BIRC2: variants seen among roughly 807,000 people sequenced by gnomAD.
BIRC2 encodes baculoviral IAP repeat-containing protein 2.
BIRC2 carries 18 observed loss-of-function variants against 60.9 expected under a neutral mutation model. That is an observed-to-expected ratio of 0.30 (90% CI 0.20 to 0.44). The LOEUF (loss-of-function observed/expected upper bound fraction) is 0.44. Ranked by LOEUF, BIRC2 falls within the 20% of genes least tolerant of loss-of-function variation. The probability of loss-of-function intolerance (pLI) is 1.00; values close to 1 mark genes in which losing one functional copy is unlikely to be tolerated. For missense variants in BIRC2, 701 were observed against 728.5 expected (o/e 0.96, Z 0.43); for synonymous variants, 282 against 247.7 (o/e 1.14, Z -1.30).
chr11:102,372,370 G>C (rs9667004), intron 6 of BIRC2, among the ~76,000 whole-genome samples: 26,102 of 151,298 alleles, frequency 0.17, 3,325 homozygotes, highest in African/African-American at 0.35. Flanking sequence ...TATGTTGTGT[G>C]TTTGTTCTCA....
At chr11:102,372,653 G>T (rs200102021) in intron 6 of BIRC2, among the ~76,000 whole-genome samples, 1 of 138,668 alleles carries the variant, frequency 7.2e-6, no homozygotes, top group African/African-American at 2.8e-5. Flanking sequence ...GTTGATTTGG[G>T]GTGGAGAGTT....
intron 3 of BIRC2, among the ~76,000 whole-genome samples, chr11:102,358,603 A>G (rs1348719361): frequency 6.6e-6 from 1 of 152,170 alleles, no homozygotes; most frequent in African/African-American, 2.4e-5. Context: ...CTATCTATTA[A>G]TGTCTTCAGA....
chr11:102,375,748 C>G (rs1421327026), intron 6 of BIRC2, among the ~76,000 whole-genome samples: 1 of 150,870 alleles, frequency 6.6e-6, no homozygotes, highest in Non-Finnish European at 1.5e-5. Flanking sequence ...CCCCTGCACT[C>G]CAGCCTGGGT....
chr11:102,366,887 G>C (rs956335353), intron 5 of BIRC2, among the ~76,000 whole-genome samples: 2 of 152,142 alleles, frequency 1.3e-5, no homozygotes, highest in Non-Finnish European at 2.9e-5. Context: ...GGAAGCCTCT[G>C]CTTATCTGGG....
chr11:102,372,119 C>A (rs1951639395), intron 6 of BIRC2, among the ~76,000 whole-genome samples: 2 of 152,204 alleles, frequency 1.3e-5, no homozygotes, highest in Admixed American at 1.3e-4. Flanking sequence ...AAAAAACCAG[C>A]TCCCGGATTC....
intron 3 of BIRC2, among the ~76,000 whole-genome samples, chr11:102,362,367 A>G (rs532277523): frequency 5.7e-4 from 87 of 152,298 alleles, no homozygotes; most frequent in African/African-American, 1.9e-3. Context: ...GAGAAGCCCT[A>G]TCAGTTTAAA....
At chr11:102,366,142 A>G (rs1439143730) in intron 5 of BIRC2, among the ~76,000 whole-genome samples, 1 of 152,118 alleles carries the variant, frequency 6.6e-6, no homozygotes, top group African/African-American at 2.4e-5. Flanking sequence ...AATATGACCA[A>G]ACCGGAAATT....
At chr11:102,368,586 T>G in intron 6 of BIRC2, 38 bp downstream of exon 6, 1 of 1,602,646 alleles carries the variant, frequency 6.2e-7, no homozygotes, top group Non-Finnish European at 8.5e-7. Context: ...TGTTTCTCAG[T>G]GGAGCTCTTA....
intron 3 of BIRC2, among the ~76,000 whole-genome samples, chr11:102,361,883 A>G (rs1379535402): frequency 3.0e-5 from 4 of 133,136 alleles, no homozygotes; most frequent in Admixed American, 8.1e-5. Flanking sequence ...TGATTGGGCT[A>G]GTGAGTTCTT....
chr11:102,377,199 A>G (rs552394379), intron 6 of BIRC2, among the ~76,000 whole-genome samples: 17 of 152,320 alleles, frequency 1.1e-4, no homozygotes, highest in Middle Eastern at 3.4e-3. Context: ...TGGAAATACA[A>G]GAGTATTATT....
chr11:102,353,527 A>C (rs887678848), intron 3 of BIRC2, among the ~76,000 whole-genome samples: 1 of 152,034 alleles, frequency 6.6e-6, no homozygotes, highest in Non-Finnish European at 1.5e-5. Context: ...TATGTTGGCC[A>C]GTCTAGTCTC....
intron 6 of BIRC2, among the ~76,000 whole-genome samples, chr11:102,371,655 T>C (rs1490408307): frequency 5.7e-4 from 85 of 148,454 alleles, no homozygotes; most frequent in African/African-American, 2.1e-3. Context: ...CTGCCCGGCT[T>C]TGGTATCAGA....
Position 102,368,609 on chromosome 11 carries a change from A to G in BIRC2, c.1366+61A>G. 6 of 1,571,648 alleles carry G rather than the reference A, an allele frequency of 3.8e-6. No individual in the cohort carries two copies. In the South Asian group the frequency reaches 4.8e-5, roughly 13 times the overall value. On this transcript the variant is annotated intron_variant, in intron 6 of 8. Transcript: ENST00000227758. ...AGTGGAGCTCTTAGGACTGTCTCAC[A>G]TGTTACAGGACACCATGCTTGTTTC... is the stretch of plus-strand genomic sequence containing the variant.
chr11:102,353,323 T>C (rs1351149646), intron 3 of BIRC2, among the ~76,000 whole-genome samples: 1 of 152,206 alleles, frequency 6.6e-6, no homozygotes, highest in Admixed American at 6.5e-5. Flanking sequence ...ACATTTCTTT[T>C]TTCCTTTTTT....
chr11:102,374,858 A>G (rs1422201435), intron 6 of BIRC2, among the ~76,000 whole-genome samples: 1 of 152,196 alleles, frequency 6.6e-6, no homozygotes, highest in Non-Finnish European at 1.5e-5. Context: ...GGTGTGGGAT[A>G]TAATCTCTTG....
At chr11:102,369,315 T>A (rs1413059473) in intron 6 of BIRC2, among the ~76,000 whole-genome samples, 2 of 69,570 alleles carry the variant, frequency 2.9e-5, no homozygotes, top group African/African-American at 5.9e-5. Context: ...CCCTCCCCCC[T>A]CCCCCCACCC....
Position 102,348,744 on chromosome 11 carries a change from T to C in BIRC2, c.-1111T>C. On this transcript the variant is annotated 5_prime_UTR_variant, in exon 2 of 9. Transcript: ENST00000227758. ...TGTATGAATTATATTTTTAAAACAT[T>C]GAAGAGTTTTCAGAAAGAAGGCTAG... 5.1e-6 allele frequency: 2 copies of C among 395,878 alleles called. No individual in the cohort carries two copies. The highest frequency in any genetic ancestry group is 4.9e-6 in the Non-Finnish European group (1 of 202,582). The allele number at this position is 395,878 out of a possible 1,614,324, so 24.5% of individuals were successfully genotyped here.
intron 5 of BIRC2, among the ~76,000 whole-genome samples, chr11:102,365,645 T>C (rs750050141): frequency 6.6e-6 from 1 of 152,052 alleles, no homozygotes; most frequent in African/African-American, 2.4e-5. Flanking sequence ...GGTGCCATCA[T>C]GGCTCACTGC....
chr11:102,355,162 C>T (rs1204279805), intron 3 of BIRC2, among the ~76,000 whole-genome samples: 1 of 151,938 alleles, frequency 6.6e-6, no homozygotes, highest in Non-Finnish European at 1.5e-5. Flanking sequence ...TGGTGTCATA[C>T]CCAAAACATT....
Sources: gnomAD v4.1 joint callset for allele counts (sites outside exome capture counted in the v4.1 genomes callset) on GRCh38, gnomAD v4.1.1 for gene constraint, MANE v1.5 for transcripts, NCBI Gene and HGNC (gene_info 2026-07-23, HGNC 2026-07-21) for gene names.